Variants in FGF10 observed in about 807,000 individuals in gnomAD.
FGF10 encodes the protein fibroblast growth factor 10, also known as FGF-10.
FGF10 carries 2 observed loss-of-function variants against 19.8 expected under a neutral mutation model. The observed-to-expected ratio is 0.10, with a 90% CI of 0.04 to 0.32. FGF10 has a LOEUF of 0.32. Among genes scored for constraint, FGF10 ranks in the 10% least tolerant of loss-of-function variants. The probability of loss-of-function intolerance (pLI) is 1.00; values close to 1 mark genes in which losing one functional copy is unlikely to be tolerated. For missense variants in FGF10, 191 were observed against 246.3 expected, an observed-to-expected ratio of 0.78 and a Z score of 1.50; for synonymous variants, 112 against 94.0, an observed-to-expected ratio of 1.19 and a Z score of -1.10.
intron 1 of FGF10, among the ~76,000 whole-genome samples, chr5:44,333,215 G>C (rs547903936): frequency 2.6e-5 from 4 of 152,152 alleles, no homozygotes; most frequent in African/African-American, 4.8e-5. Context: ...CACTACTTTT[G>C]TGTATTTTAT....
intron 1 of FGF10, among the ~76,000 whole-genome samples, chr5:44,366,127 CTTTTTTTTTTTT>C (rs35522683): frequency 4.0e-5 from 3 of 74,810 alleles, no homozygotes; most frequent in Admixed American, 2.3e-4. Flanking sequence ...CAATTATTTC[CTTTTTTTTTTTT>C]TTTTTTTTTT....
chr5:44,339,833 C>G (rs1441461779), intron 1 of FGF10, among the ~76,000 whole-genome samples: 1 of 152,130 alleles, frequency 6.6e-6, no homozygotes, highest in Non-Finnish European at 1.5e-5. Flanking sequence ...TGCCCCCATT[C>G]TTTTCATGTT....
chr5:44,341,085 A>C (rs1181764639), intron 1 of FGF10, among the ~76,000 whole-genome samples: 1 of 151,992 alleles, frequency 6.6e-6, no homozygotes, highest in Non-Finnish European at 1.5e-5. Context: ...TCTAGAGTCT[A>C]TCTGATTTCT....
At chr5:44,305,776 T>C (rs1158211069) in intron 2 of FGF10, among the ~76,000 whole-genome samples, 2 of 152,184 alleles carry the variant, frequency 1.3e-5, no homozygotes, top group African/African-American at 2.4e-5. Context: ...AATGAAATTA[T>C]TTGCAATATT....
intron 1 of FGF10, among the ~76,000 whole-genome samples, chr5:44,359,367 T>G (rs955152811): frequency 3.3e-5 from 5 of 151,518 alleles, no homozygotes; most frequent in African/African-American, 7.3e-5. Flanking sequence ...TACAGGGAAA[T>G]CAATTCTTAA....
In FGF10 at chr5:44,388,612, AAGCAGCAGC is replaced by A; in HGVS notation, c.62_70del (p.Cys21_Cys23del). The A allele has an allele frequency of 6.2e-7, 1 of 1,614,026 alleles. No homozygotes were observed. Among genetic ancestry groups the A allele is most frequent in the Non-Finnish European group, 8.5e-7 (1 of 1,179,958 alleles). ...GGAAGACACCAAGAACAGCAACAAA[AAGCAGCAGC>A]AGCAGCAGCCGGGCAGGTGGGGAAA... On this transcript the variant is annotated inframe_deletion, in exon 1 of 3. Coordinates refer to ENST00000264664, the MANE Select transcript of FGF10 (RefSeq NM_004465.2).
chr5:44,308,613 A>C (rs1314188955), intron 2 of FGF10, among the ~76,000 whole-genome samples: 2 of 152,102 alleles, frequency 1.3e-5, no homozygotes. Context: ...ACTTTTTATA[A>C]TGGTCTGTTA....
intron 1 of FGF10, among the ~76,000 whole-genome samples, chr5:44,331,424 G>A (rs1480727497): frequency 5.3e-5 from 8 of 152,096 alleles, no homozygotes; most frequent in Admixed American, 1.3e-4. Flanking sequence ...TTGATAATAA[G>A]AGAAAGAGGA....
intron 1 of FGF10, among the ~76,000 whole-genome samples, chr5:44,325,959 A>T (rs1315985671): frequency 1.3e-5 from 2 of 152,206 alleles, no homozygotes; most frequent in African/African-American, 4.8e-5. Context: ...CATACAGCAT[A>T]TATTTCACAG....
chr5:44,384,924 A>G (rs952624976), intron 1 of FGF10, among the ~76,000 whole-genome samples: 1 of 152,054 alleles, frequency 6.6e-6, no homozygotes, highest in Admixed American at 6.5e-5. Flanking sequence ...CCTCTTTTCT[A>G]CAAATGACAA....
Position 44,388,903 on chromosome 5 carries a change from G to C in FGF10, c.-221C>G. The C allele has an allele frequency of 1.7e-6, 1 of 605,156 alleles. No homozygotes were observed. The highest frequency in any genetic ancestry group is 2.8e-5 in the East Asian group (1 of 35,280). 37.5% of individuals were successfully genotyped at this position (605,156 alleles called of 1,614,324 possible). ...TCTCGGATCCGCTGCCTACGCCTCT[G>C]GAGCCTCCCGGTAAATGGTGGACGT... On this transcript the variant is annotated 5_prime_UTR_variant, in exon 1 of 3. Coordinates refer to ENST00000264664, the MANE Select transcript of FGF10 (RefSeq NM_004465.2).
At chr5:44,345,891 G>A (rs1579921096) in intron 1 of FGF10, among the ~76,000 whole-genome samples, 1 of 151,812 alleles carries the variant, frequency 6.6e-6, no homozygotes, top group African/African-American at 2.4e-5. Context: ...TTGGGTTGAC[G>A]TTGGACTCAG....
intron 1 of FGF10, among the ~76,000 whole-genome samples, chr5:44,311,290 C>T (rs754728539): frequency 3.9e-5 from 6 of 152,042 alleles, no homozygotes; most frequent in South Asian, 2.1e-4. Context: ...ATAATTTTCT[C>T]GGAAAAGTTT....
intron 1 of FGF10, among the ~76,000 whole-genome samples, chr5:44,364,840 C>T (rs1454768669): frequency 6.6e-6 from 1 of 151,834 alleles, no homozygotes; most frequent in Admixed American, 6.6e-5. Flanking sequence ...AGATAGAAAT[C>T]TGATAATATT....
chr5:44,313,951 T>A (rs1342563506), intron 1 of FGF10, among the ~76,000 whole-genome samples: 1 of 152,076 alleles, frequency 6.6e-6, no homozygotes, highest in Non-Finnish European at 1.5e-5. Flanking sequence ...CAAACACAGA[T>A]AATTACAATA....
intron 1 of FGF10, among the ~76,000 whole-genome samples, chr5:44,327,619 G>A (rs905975497): frequency 6.6e-6 from 1 of 152,098 alleles, no homozygotes; most frequent in East Asian, 1.9e-4. Context: ...CCTGATGAGT[G>A]TTTTCATCTT....
At chr5:44,379,893 T>G (rs1741948992) in intron 1 of FGF10, among the ~76,000 whole-genome samples, 1 of 152,226 alleles carries the variant, frequency 6.6e-6, no homozygotes, top group South Asian at 2.1e-4. Context: ...CTTTTCCCTC[T>G]GGCTTCTAAA....
At chr5:44,358,231 C>T (rs1561213459) in intron 1 of FGF10, among the ~76,000 whole-genome samples, 2 of 151,476 alleles carry the variant, frequency 1.3e-5, no homozygotes, top group Non-Finnish European at 3.0e-5. Flanking sequence ...CTAATTTCTT[C>T]ATAGCACTTC....
chr5:44,375,823 G>T (rs773338404), intron 1 of FGF10, among the ~76,000 whole-genome samples: 33 of 152,056 alleles, frequency 2.2e-4, no homozygotes, highest in Non-Finnish European at 3.7e-4. Context: ...CCATCACTAA[G>T]ACTGGCCTAG....
Sources: gnomAD v4.1 joint callset for allele counts (sites outside exome capture counted in the v4.1 genomes callset) on GRCh38, gnomAD v4.1.1 for gene constraint, MANE v1.5 for transcripts, NCBI Gene and HGNC (gene_info 2026-07-23, HGNC 2026-07-21) for gene names.